Variants in MYO1C observed in about 807,000 individuals in gnomAD.
MYO1C encodes the protein unconventional myosin-Ic.
MYO1C carries 104 observed loss-of-function variants against 150.8 expected under a neutral mutation model. The observed-to-expected ratio is 0.69, with a 90% CI of 0.59 to 0.81. The LOEUF is 0.81. Ranked by LOEUF, MYO1C falls within the 30% of genes least tolerant of loss-of-function variation. MYO1C has a pLI of 0.00. For missense variants in MYO1C, 1,504 were observed against 1,435.0 expected (o/e 1.05, Z -0.78); for synonymous variants, 663 against 579.9 (o/e 1.14, Z -2.06).
Position 1,467,599 on chromosome 17 carries a change from G to A in MYO1C, c.2968-22C>T, listed in dbSNP as rs527859999. 70 of 1,609,170 alleles carry A rather than the reference G, an allele frequency of 4.4e-5. No individual in the cohort carries two copies. The Admixed American group carries it at 8.2e-4, about 19-fold the overall frequency. ...CTCCCTGGGGGGCCAGGCAGGAGGAGGGGTCAGGCCCTGCCCAGAACTTGA... is the reference window on the plus strand; with the variant it reads ...CTCCCTGGGGGGCCAGGCAGGAGGAAGGGTCAGGCCCTGCCCAGAACTTGA... On this transcript the variant is annotated intron_variant, in intron 29 of 31. Transcript: ENST00000648651.
chr17:1,478,110 C>A lies in MYO1C; in HGVS notation c.1378G>T (p.Glu460Ter). Residue 460 changes from glutamate (E) to a stop codon, truncating the protein, a stop_gained, in exon 12 of 32, where the codon GAG becomes TAG. Transcript: ENST00000648651. LOFTEE classifies it high-confidence loss of function. This position sits in a 1 kb window ranked among gnomAD's most constrained non-coding sequence, Gnocchi z 6.3. ...IELTLKSEQE[E>*]YEAEGIAWEP... ...ACCGCGATGCCCTCTGCCTCGTACT[C>A]CTCCTGCTCCGACTTGAGCGTGAGC... 6.2e-7 allele frequency: 1 copy of A among 1,614,118 alleles called. No individual in the cohort carries two copies.
In MYO1C at chr17:1,466,146, G is replaced by A. The variant is rs922318376; in HGVS notation, c.3166-394C>T. Among the ~76,000 whole-genome samples the A allele has an allele frequency of 2.2e-4, 31 of 143,976 alleles. No homozygotes were observed. The South Asian group carries it at 6.8e-3, about 31-fold the overall frequency. 94.5% of individuals were successfully genotyped at this position (143,976 alleles called of 152,430 possible). A position where few individuals can be genotyped will look rare whatever the true frequency, so the allele number is the denominator to read the frequency against. On this transcript the variant is annotated intron_variant, in intron 31 of 31. Transcript: ENST00000648651. ...GCCTATGTATCTTCCCTGCATTGCCGTGCTGCCTTTTTTTTTTTTTTTTTT... is the reference window on the plus strand; with the variant it reads ...GCCTATGTATCTTCCCTGCATTGCCATGCTGCCTTTTTTTTTTTTTTTTTT...
Position 1,468,406 on chromosome 17 carries a change from G to A in MYO1C, c.2701C>T (p.Leu901Phe). The part of the protein sequence containing the change: ...SVPRLFISTR[L>F]GTDEISPRVL... ...TGCTGGAAAGTCAGGGGCTCACCAA[G>A]CCGAGTGCTGATGAAGAGCCTGGGT... The change falls in exon 26 of 32, where the codon CTT becomes TTT. Residue 901 changes from leucine to phenylalanine, a missense_variant. Coordinates refer to ENST00000648651, the MANE Select transcript of MYO1C (RefSeq NM_001080779.2). 2 of 1,613,996 alleles carry A rather than the reference G, an allele frequency of 1.2e-6. No individual in the cohort carries two copies. The highest frequency in any genetic ancestry group is 2.2e-5 in the South Asian group (2 of 91,078).
At position 1,478,471 on chromosome 17, in the gene MYO1C, G is replaced by A. The variant is rs188514707; in HGVS notation, c.1234C>T (p.Arg412Trp). ...AGGAGCCCGAGAACCGTGGTGCTCC[G>A]CCAGCTGGGGCTCTCCACGTCCTAG... ...ASKDVESPSW[R>W]STTVLGLLDI... Residue 412 changes from arginine (R) to tryptophan (W), a missense_variant, in exon 11 of 32, where the codon CGG becomes TGG. Coordinates refer to ENST00000648651, the MANE Select transcript of MYO1C (RefSeq NM_001080779.2). This position sits in a 1 kb window ranked among gnomAD's most constrained non-coding sequence, Gnocchi z 6.3. The A allele has an allele frequency of 2.6e-5, 42 of 1,614,152 alleles. No individual in the cohort carries two copies. The East Asian group carries it at 7.4e-4, about 28-fold the overall frequency.
At position 1,492,610 on chromosome 17, in the gene MYO1C, TG is replaced by T; in HGVS notation, c.-124del. On this transcript the variant is annotated 5_prime_UTR_variant, in exon 1 of 32. Transcript: ENST00000648651. Reference sequence around the variant, plus strand: ...ACGGTCTAACGCCGGGATGGCCACTTGGTTCTGCTTCAACTGCAGCCCCAGG... The same window carrying T: ...ACGGTCTAACGCCGGGATGGCCACTTGTTCTGCTTCAACTGCAGCCCCAGG... 1 of 879,146 alleles carries T rather than the reference TG, an allele frequency of 1.1e-6. No individual in the cohort carries two copies. The highest frequency in any genetic ancestry group is 1.4e-5 in the South Asian group (1 of 69,938). 54.5% of individuals were successfully genotyped at this position (879,146 alleles called of 1,614,324 possible). A position where few individuals can be genotyped will look rare whatever the true frequency, so the allele number is the denominator to read the frequency against.
chr17:1,467,109 A>G (rs2074188758), intron 31 of MYO1C, 133 bp downstream of exon 31: 4 of 863,024 alleles, frequency 4.6e-6, no homozygotes, highest in Middle Eastern at 3.1e-4. Context: ...TGGGTGGGCC[A>G]AGGGATGGAA....
At chr17:1,473,985 G>A (rs1018779546) in intron 17 of MYO1C, among the ~76,000 whole-genome samples, 1 of 152,120 alleles carries the variant, frequency 6.6e-6, no homozygotes, top group Non-Finnish European at 1.5e-5. Flanking sequence ...AATGTCTGCT[G>A]AGTGGGTAGA....
chr17:1,491,237 G>A (rs1018444400), intron 1 of MYO1C: 1 of 152,208 alleles, frequency 6.6e-6, no homozygotes, highest in African/African-American at 2.4e-5. Context: ...CGTCACACTC[G>A]GGGCGCGCTG....
chr17:1,473,155 G>A (rs888740977), intron 17 of MYO1C, among the ~76,000 whole-genome samples: 1 of 152,192 alleles, frequency 6.6e-6, no homozygotes, highest in Admixed American at 6.5e-5. Flanking sequence ...AGCCGAGATC[G>A]CGCCACTGCA....
rs759969887 is a variant in MYO1C, at chr17:1,480,773, C to T, written c.740G>A (p.Gly247Asp). Reference sequence around the variant, plus strand: ...CAGCCTGCGAAGAGTCTCCTCCTCGCCCCCCTCCAGCAGCTGGTAGAAGAT... The same window carrying T: ...CAGCCTGCGAAGAGTCTCCTCCTCGTCCCCCTCCAGCAGCTGGTAGAAGAT... ...FHIFYQLLEG[G>D]EEETLRRLGL... Residue 247 changes from glycine to aspartate, a missense_variant, in exon 6 of 32, where the codon GGC (glycine) becomes GAC (aspartate). By Grantham distance (94) the Gly-to-Asp change is moderately conservative. Transcript: ENST00000648651. 4 of 1,614,006 alleles carry T rather than the reference C, an allele frequency of 2.5e-6. No homozygotes were observed. The highest frequency in any genetic ancestry group is 1.7e-6 in the Non-Finnish European group (2 of 1,180,008).
At chr17:1,475,059 G>T (rs922504240) in intron 14 of MYO1C, 27 bp from the exon 15 acceptor site, 1 of 1,548,786 alleles carries the variant, frequency 6.5e-7, no homozygotes, top group Non-Finnish European at 8.7e-7. Context: ...GGAAGCTGCA[G>T]ATGGCTGCCG....
chr17:1,479,562 C>CCCA lies in MYO1C; in HGVS notation c.1020+29_1020+30insTGG. On this transcript the variant is annotated intron_variant, in intron 8 of 31. Transcript: ENST00000648651. This position sits in a 1 kb window ranked among gnomAD's most constrained non-coding sequence, Gnocchi z 4.2. The stretch of plus-strand genomic sequence containing the variant: ...ACCCCCAGCCCCCGCCCCCGCCGTC[C>CCCA]TCCCGTCGCCCTCTGCCCGCCCCAC... The CCCA allele has an allele frequency of 6.5e-7, 1 of 1,535,016 alleles. No homozygotes were observed. Among genetic ancestry groups the CCCA allele is most frequent in the Non-Finnish European group, 8.9e-7 (1 of 1,119,214 alleles).
Position 1,478,805 on chromosome 17 carries a change from A to T in MYO1C, c.1093-70T>A, listed in dbSNP as rs1457933692. ...GTGCATCCCACCTGCTCCCAGGCTC[A>T]GGCAGACCAGGAAGCCGCCACCACT... is the stretch of plus-strand genomic sequence containing the variant. On this transcript the variant is annotated intron_variant, in intron 9 of 31. Coordinates refer to ENST00000648651, the MANE Select transcript of MYO1C (RefSeq NM_001080779.2). This position sits in a 1 kb window ranked among gnomAD's most constrained non-coding sequence, Gnocchi z 6.3. 4 of 1,601,928 alleles carry T rather than the reference A, an allele frequency of 2.5e-6. No individual in the cohort carries two copies. The highest frequency in any genetic ancestry group is 3.4e-6 in the Non-Finnish European group (4 of 1,178,620).
chr17:1,467,108 C>T, intron 31 of MYO1C, 134 bp downstream of exon 31: 1 of 862,032 alleles, frequency 1.2e-6, no homozygotes, highest in South Asian at 1.4e-5. Context: ...ATGGGTGGGC[C>T]AAGGGATGGA....
At chr17:1,485,437 G>T in intron 1 of MYO1C, 2 of 835,314 alleles carry the variant, frequency 2.4e-6, no homozygotes, top group Non-Finnish European at 3.0e-6. Flanking sequence ...AAATCCGGCC[G>T]CGGTCCCCGC....
chr17:1,477,230 G>A, intron 14 of MYO1C: 1 of 382,340 alleles, frequency 2.6e-6, no homozygotes, highest in Non-Finnish European at 4.7e-6. Context: ...CCAGGCTGGA[G>A]TGCAGTGGGT....
At position 1,465,474 on chromosome 17, in the gene MYO1C, G is replaced by A. The variant is rs967448712; in HGVS notation, c.*252C>T. 5 of 387,560 alleles carry A rather than the reference G, an allele frequency of 1.3e-5. No individual in the cohort carries two copies. Among genetic ancestry groups the A allele is most frequent in the Admixed American group, 9.0e-5 (2 of 22,216 alleles). 24.0% of individuals were successfully genotyped at this position (387,560 alleles called of 1,614,324 possible). On this transcript the variant is annotated 3_prime_UTR_variant, in exon 32 of 32. Transcript: ENST00000648651. ...TCCCTTCTCTCAAATATTTGGCATC[G>A]GCAGTAGGGCTGGCATGGCTCGCTC...
At position 1,483,153 on chromosome 17, in the gene MYO1C, G is replaced by T. The variant is rs943054531; in HGVS notation, c.348-94C>A. 2.4e-6 allele frequency: 3 copies of T among 1,267,692 alleles called. No individual in the cohort carries two copies. In the South Asian group the frequency reaches 4.2e-5, roughly 18 times the overall value. The allele number at this position is 1,267,692 out of a possible 1,614,324, so 78.5% of individuals were successfully genotyped here. ...CACATCTGGGTGGAGTCCTCTTGTG[G>T]GAGTCGAATACACCCTTGAGGATGG... On this transcript the variant is annotated intron_variant, in intron 3 of 31. Coordinates refer to ENST00000648651, the MANE Select transcript of MYO1C (RefSeq NM_001080779.2).
intron 31 of MYO1C, 105 bp from the exon 32 acceptor site, chr17:1,465,857 G>C (rs2074159447): frequency 3.6e-6 from 3 of 828,942 alleles, no homozygotes; most frequent in Non-Finnish European, 5.0e-6. Flanking sequence ...ATGGAGAATG[G>C]GGTCTCGCTA....
Sources: allele counts gnomAD v4.1 joint callset (sites outside exome capture counted in the v4.1 genomes callset), GRCh38; gene constraint gnomAD v4.1.1; non-coding constraint Gnocchi (gnomAD v3.1); transcripts MANE v1.5; gene names NCBI Gene and HGNC (gene_info 2026-07-23, HGNC 2026-07-21).